The following EML2 variants were observed in gnomAD, a reference collection of about 807,000 sequenced individuals.
The protein encoded by EML2 is echinoderm microtubule-associated protein-like 2.
In EML2, 59 loss-of-function variants were observed where a neutral mutation model predicts 84.7. That is an observed-to-expected ratio of 0.70 (90% CI 0.56 to 0.86). EML2 has a LOEUF of 0.86. EML2 is among the 40% of genes least tolerant of loss of function. EML2 has a pLI of 0.00. For missense variants in EML2, 818 were observed against 855.6 expected (o/e 0.96, Z 0.55); for synonymous variants, 352 against 348.9 (o/e 1.01, Z -0.10).
At chr19:45,638,958 C>A in intron 1 of EML2, 85 bp from the exon 2 acceptor site, 1 of 1,516,030 alleles carries the variant, frequency 6.6e-7, no homozygotes, top group South Asian at 1.1e-5. Flanking sequence ...CCCCACCGCT[C>A]CCCGGAGGTC....
chr19:45,609,699 G>T lies in EML2; in HGVS notation c.1914C>A (p.Gly638=). ...WDDSMALTTG[G]KDTSVLQWRV... is the part of the protein sequence containing the mutation. ...GCCACTGTAGCACACTGGTGTCCTT[G>T]CCCCCTGTGGTCAGGGCCATGCTGT... Residue 638 remains glycine (G), a synonymous_variant, in exon 19 of 19, where the codon GGC becomes GGA. Transcript: ENST00000245925. The T allele has an allele frequency of 6.2e-7, 1 of 1,613,042 alleles. No homozygotes were observed. The highest frequency in any genetic ancestry group is 1.7e-4 in the Middle Eastern group (1 of 6,050).
chr19:45,638,757 C>T, intron 2 of EML2, 88 bp downstream of exon 2: 1 of 1,592,988 alleles, frequency 6.3e-7, no homozygotes, highest in Non-Finnish European at 8.5e-7. Flanking sequence ...AGGCAAAGAC[C>T]CAGTAGCCAA....
intron 8 of EML2, 94 bp from the exon 9 acceptor site, chr19:45,624,912 C>G: frequency 1.3e-5 from 11 of 844,452 alleles, no homozygotes; most frequent in Non-Finnish European, 1.8e-5. Context: ...GCCAGGCAAT[C>G]CCCTCTATCT....
At chr19:45,642,959 C>T (rs1167923344), upstream of EML2, 3 of 145,244 alleles carry the variant, frequency 2.1e-5, no homozygotes, top group African/African-American at 7.7e-5. Flanking sequence ...GCACTCCAGC[C>T]TGGCCACAAA....
At chr19:45,619,653 G>A (rs1971471117) in intron 11 of EML2, among the ~76,000 whole-genome samples, 1 of 152,230 alleles carries the variant, frequency 6.6e-6, no homozygotes, top group African/African-American at 2.4e-5. Flanking sequence ...ACCGAGCGCA[G>A]TCATCTAGGC....
At chr19:45,639,625 G>A (rs901682014), upstream of EML2, among the ~76,000 whole-genome samples, 2 of 152,170 alleles carry the variant, frequency 1.3e-5, no homozygotes, top group South Asian at 2.1e-4. Flanking sequence ...TAAAACCCCA[G>A]TTCTGCTAAT....
chr19:45,626,883 C>T, intron 7 of EML2, 44 bp from the exon 8 acceptor site: 1 of 1,557,900 alleles, frequency 6.4e-7, no homozygotes, highest in Non-Finnish European at 8.7e-7. Context: ...CTCAAAGTCC[C>T]CAAGGCTACT....
chr19:45,630,764 C>T (rs1300430621), intron 6 of EML2, among the ~76,000 whole-genome samples: 1 of 152,158 alleles, frequency 6.6e-6, no homozygotes, highest in Admixed American at 6.6e-5. Context: ...GACATCATCT[C>T]ATTTGCATTT....
Position 45,626,740 on chromosome 19 carries a change from C to G in EML2, c.706G>C (p.Gly236Arg), listed in dbSNP as rs756603454. Residue 236 changes from glycine to arginine, a missense_variant, in exon 8 of 19, where the codon GGG (glycine) becomes CGG (arginine). Gly to Arg is a moderately radical substitution (Grantham distance 125). Transcript: ENST00000245925. The part of the protein sequence containing the change: ...KSHIYFWTLE[G>R]GSLSKRQGLF... ...CCTTGCCGCTTGCTCAAGCTGCCCC[C>G]CTCCAAGGTCCAGAAGTAGATGTGA... The G allele has an allele frequency of 1.5e-5, 25 of 1,613,764 alleles. No individual in the cohort carries two copies. The highest frequency in any genetic ancestry group is 2.0e-5 in the Non-Finnish European group (24 of 1,179,910).
intron 15 of EML2, 117 bp from the exon 16 acceptor site, chr19:45,616,006 G>A: frequency 1.3e-6 from 1 of 757,492 alleles, no homozygotes; most frequent in Admixed American, 2.0e-5. Context: ...GAACACAAGG[G>A]GACTAAAGGA....
At chr19:45,619,451 A>T in intron 11 of EML2, 1 of 272,888 alleles carries the variant, frequency 3.7e-6, no homozygotes, top group Non-Finnish European at 7.1e-6. Flanking sequence ...GCAGGAGGGC[A>T]TGGTGGCTCA....
At chr19:45,615,275 G>C (rs533647812) in intron 16 of EML2, among the ~76,000 whole-genome samples, 6 of 152,042 alleles carry the variant, frequency 3.9e-5, no homozygotes, top group African/African-American at 1.4e-4. Context: ...GGGAGGCGGA[G>C]GCTGCAGTGA....
rs770616741 is a variant in EML2, at chr19:45,621,308, G to T, written c.1021C>A (p.Arg341Ser). 4 of 1,609,778 alleles carry T rather than the reference G, an allele frequency of 2.5e-6. No individual in the cohort carries two copies. The Admixed American group carries it at 5.0e-5, about 20-fold the overall frequency. Residue 341 changes from arginine (R) to serine (S), a missense_variant, in exon 11 of 19, where the codon CGC becomes AGC. By Grantham distance (110) the Arg-to-Ser change is moderately radical (BLOSUM62 -1). Coordinates refer to ENST00000245925, the MANE Select transcript of EML2 (RefSeq NM_012155.4). ...TCTCCGTGGCCCTCTGCCACGGTGC[G>T]CACAGGGCCAAAGTCCTCAGGGACC... ...VEVPEDFGPVRTVAEGHGDTL... is the reference protein window; with the variant it reads ...VEVPEDFGPVSTVAEGHGDTL...
At chr19:45,619,295 G>T in intron 11 of EML2, 104 bp from the exon 12 acceptor site, 1 of 1,403,000 alleles carries the variant, frequency 7.1e-7, no homozygotes. Flanking sequence ...AACTCACCCT[G>T]CCCCAGCGGG....
At chr19:45,639,737 T>C (rs1974230656), upstream of EML2, among the ~76,000 whole-genome samples, 1 of 152,180 alleles carries the variant, frequency 6.6e-6, no homozygotes, top group African/African-American at 2.4e-5. Context: ...CTCATGCCTG[T>C]AATCCCAGCA....
At chr19:45,617,578 C>T (rs1013332787) in intron 13 of EML2, 52 bp downstream of exon 13, 2 of 1,512,722 alleles carry the variant, frequency 1.3e-6, no homozygotes, top group African/African-American at 2.8e-5. Flanking sequence ...GAAGAAGGGC[C>T]AGTTCCCCAG....
upstream of EML2, chr19:45,645,343 C>T (rs774002031): frequency 3.3e-6 from 5 of 1,530,862 alleles, no homozygotes; most frequent in Non-Finnish European, 4.4e-6. Flanking sequence ...CCGCCATCGC[C>T]CCACCACAGC....
intron 7 of EML2, among the ~76,000 whole-genome samples, chr19:45,627,925 GT>G (rs1972563551): frequency 6.6e-6 from 1 of 152,138 alleles, no homozygotes; most frequent in African/African-American, 2.4e-5. Flanking sequence ...GCTGGTCGTG[GT>G]GGTGCATGCC....
upstream of EML2, chr19:45,644,567 C>G: frequency 2.4e-6 from 1 of 408,594 alleles, no homozygotes; most frequent in Non-Finnish European, 5.1e-6. Context: ...TACCAACCCC[C>G]ACACCTCCAC....
Sources: allele counts gnomAD v4.1 joint callset (sites outside exome capture counted in the v4.1 genomes callset), GRCh38; gene constraint gnomAD v4.1.1; transcripts MANE v1.5; gene names NCBI Gene and HGNC (gene_info 2026-07-23, HGNC 2026-07-21).